The following LRCH2 variants were observed in gnomAD, a reference collection of about 807,000 sequenced individuals.
LRCH2 encodes leucine-rich repeat and calponin homology domain-containing protein 2.
In LRCH2, 38 loss-of-function variants were observed where a neutral mutation model predicts 68.9. The ratio of observed to expected loss-of-function variants is 0.55; its 90% confidence interval spans 0.43 to 0.72. The LOEUF (loss-of-function observed/expected upper bound fraction) is 0.72, where lower values mean the gene tolerates loss of function less well. LRCH2 is among the 30% of genes least tolerant of loss of function. The pLI, the probability that LRCH2 is intolerant of heterozygous loss-of-function variation, is 0.00. For synonymous variants in LRCH2, 191 were observed against 208.1 expected, an observed-to-expected ratio of 0.92 and a Z score of 0.71; for missense variants, 528 against 572.9, an observed-to-expected ratio of 0.92 and a Z score of 0.80.
chrX:115,164,583 T>C (rs1212154456), intron 10 of LRCH2, among the ~76,000 whole-genome samples: 3 of 111,436 alleles, frequency 2.7e-5, no homozygotes, highest in African/African-American at 9.7e-5. Context: ...GGAAGCATAA[T>C]GTAGAGAAAA....
chrX:115,190,001 G>T (rs1451442586), intron 1 of LRCH2: 2 of 1,160,587 alleles, frequency 1.7e-6, no homozygotes, highest in African/African-American at 3.6e-5. Flanking sequence ...ACTGTGTCGG[G>T]GCAAGATGGC....
At chrX:115,177,598 T>C (rs782794512) in intron 5 of LRCH2, among the ~76,000 whole-genome samples, 1 of 112,088 alleles carries the variant, frequency 8.9e-6, no homozygotes, top group East Asian at 2.8e-4. Context: ...ATAGCTTCAC[T>C]GTCCAATAGG....
chrX:115,164,412 CACATCGT>C (rs1221003872), intron 10 of LRCH2, among the ~76,000 whole-genome samples: 3 of 110,855 alleles, frequency 2.7e-5, no homozygotes, highest in African/African-American at 9.8e-5. Flanking sequence ...GTGACTTTAC[CACATCGT>C]ACATGCTACA....
intron 15 of LRCH2, among the ~76,000 whole-genome samples, chrX:115,127,580 C>T (rs186140518): frequency 1.8e-5 from 2 of 110,892 alleles, no homozygotes; most frequent in Non-Finnish European, 3.8e-5. Flanking sequence ...ACAGGTAATA[C>T]AACATTCTCA....
rs1049885986 is a variant in LRCH2 at position 115,170,383 on chromosome X, G to C, written c.914C>G (p.Ala305Gly). 5 of 1,171,330 alleles carry C rather than the reference G, an allele frequency of 4.3e-6. No homozygotes were observed. The African/African-American group carries it at 5.4e-5, about 13-fold the overall frequency. Residue 305 changes from alanine to glycine, a missense_variant, in exon 6 of 21, where the codon GCA (alanine) becomes GGA (glycine). Transcript: ENST00000317135. Reference protein sequence around the residue: ...VHIFKYLNIQACCRMDKKPDS... With the variant: ...VHIFKYLNIQGCCRMDKKPDS... Reference sequence around the variant, plus strand: ...TGGTTTCTTATCCATTCTGCAACATGCTTGAATATTTAAGTACTTAAATAT... The same window carrying C: ...TGGTTTCTTATCCATTCTGCAACATCCTTGAATATTTAAGTACTTAAATAT...
intron 11 of LRCH2, among the ~76,000 whole-genome samples, chrX:115,161,818 T>A (rs1037034251): frequency 9.0e-6 from 1 of 111,055 alleles, no homozygotes; most frequent in South Asian, 3.8e-4. Flanking sequence ...AAAACTAATA[T>A]GCTAATAAGA....
At chrX:115,192,719 C>T in intron 1 of LRCH2, 1 of 988,746 alleles carries the variant, frequency 1.0e-6, no homozygotes, top group East Asian at 3.3e-5. Flanking sequence ...GTTAACTACC[C>T]AAGGACTAGT....
chrX:115,129,339 C>G (rs929436129), intron 15 of LRCH2, among the ~76,000 whole-genome samples: 9 of 111,394 alleles, frequency 8.1e-5, no homozygotes, highest in African/African-American at 2.6e-4. Flanking sequence ...TGTACAGGAA[C>G]TGATTGTGCT....
chrX:115,187,489 T>C (rs888507557), intron 2 of LRCH2, among the ~76,000 whole-genome samples: 1 of 112,383 alleles, frequency 8.9e-6, no homozygotes, highest in Non-Finnish European at 1.9e-5. Flanking sequence ...GAGAGCTCTA[T>C]AGCCAGACTG....
chrX:115,189,989 C>G, intron 1 of LRCH2: 1 of 1,163,505 alleles, frequency 8.6e-7, no homozygotes, highest in Non-Finnish European at 1.1e-6. Context: ...GGGAAGGCAC[C>G]GACTGTGTCG....
chrX:115,169,352 A>G (rs782321039), intron 6 of LRCH2, among the ~76,000 whole-genome samples: 4 of 111,980 alleles, frequency 3.6e-5, no homozygotes, highest in Non-Finnish European at 7.5e-5. Flanking sequence ...CTAAAAGTAA[A>G]TTCATGTTAA....
intron 20 of LRCH2, among the ~76,000 whole-genome samples, chrX:115,113,989 T>C (rs1490290805): frequency 4.5e-5 from 5 of 111,193 alleles, no homozygotes; most frequent in African/African-American, 1.6e-4. Context: ...TAGTTTTAAC[T>C]ACCCCTTCCA....
At chrX:115,131,513 C>T (rs1303605075) in intron 14 of LRCH2, among the ~76,000 whole-genome samples, 1 of 111,496 alleles carries the variant, frequency 9.0e-6, no homozygotes, top group Non-Finnish European at 1.9e-5. Context: ...CATTGTTGGG[C>T]ATTTGGGTTG....
At chrX:115,149,366 C>T (rs1337534631) in intron 14 of LRCH2, among the ~76,000 whole-genome samples, 1 of 111,384 alleles carries the variant, frequency 9.0e-6, no homozygotes, top group Non-Finnish European at 1.9e-5. Flanking sequence ...ATAAAAGACA[C>T]TCAAGCAATC....
At chrX:115,208,039 G>A (rs2072981127) in intron 1 of LRCH2, among the ~76,000 whole-genome samples, 1 of 112,136 alleles carries the variant, frequency 8.9e-6, no homozygotes, top group Non-Finnish European at 1.9e-5. Context: ...TCCCCATAGG[G>A]AGTGCGGCCC....
intron 1 of LRCH2, among the ~76,000 whole-genome samples, chrX:115,223,430 A>G (rs181498413): frequency 3.6e-3 from 273 of 75,367 alleles, no homozygotes; most frequent in African/African-American, 0.011. Context: ...TCTGATAAAA[A>G]ACTTGAATAT....
At chrX:115,190,408 T>C in intron 1 of LRCH2, 1 of 1,163,478 alleles carries the variant, frequency 8.6e-7, no homozygotes, top group African/African-American at 1.8e-5. Context: ...ACCGCCATCT[T>C]ATGGAGGAGG....
At chrX:115,171,771 C>A (rs781982226) in intron 5 of LRCH2, among the ~76,000 whole-genome samples, 2 of 108,834 alleles carry the variant, frequency 1.8e-5, no homozygotes, top group East Asian at 5.8e-4. Context: ...ACTGCACCCT[C>A]GACATCCTGG....
At position 115,120,534 on chromosome X, in the gene LRCH2, AG is replaced by A. The variant is rs1556525548; in HGVS notation, c.2178+1992del. Among the ~76,000 whole-genome samples, 4 of 57,612 alleles carry A rather than the reference AG, an allele frequency of 6.9e-5. No individual in the cohort carries two copies. In the South Asian group the frequency reaches 4.6e-3, roughly 66 times the overall value. The allele number at this position is 57,612 out of a possible 115,157, so 50.0% of individuals were successfully genotyped here. Reference sequence around the variant, plus strand: ...AGTCAGGAAACAACAGGTGCTGGAGAGGATGTGGAGAAATAGGAACACTTTT... The same window carrying A: ...AGTCAGGAAACAACAGGTGCTGGAGAGATGTGGAGAAATAGGAACACTTTT... On this transcript the variant is annotated intron_variant, in intron 20 of 20. Coordinates refer to ENST00000317135, the MANE Select transcript of LRCH2 (RefSeq NM_020871.4).
Sources: gnomAD v4.1 joint callset for allele counts (sites outside exome capture counted in the v4.1 genomes callset) on GRCh38, gnomAD v4.1.1 for gene constraint, MANE v1.5 for transcripts, NCBI Gene and HGNC (gene_info 2026-07-23, HGNC 2026-07-21) for gene names.